The following PRKN variants were observed in gnomAD, a reference collection of about 807,000 sequenced individuals.
PRKN encodes E3 ubiquitin-protein ligase parkin.
Under a neutral mutation model 59.5 loss-of-function variants are expected in PRKN, and 56 were observed. The observed-to-expected ratio is 0.94, with a 90% CI of 0.76 to 1.18. The LOEUF (loss-of-function observed/expected upper bound fraction) is 1.18, where lower values mean the gene tolerates loss of function less well. PRKN is among the 50% of genes most tolerant of loss of function. PRKN has a pLI of 0.00. For synonymous variants in PRKN, 250 were observed against 222.1 expected (o/e 1.13, Z -1.12); for missense variants, 657 against 596.4 (o/e 1.10, Z -1.06).
In PRKN at chr6:161,440,541, G is replaced by A. The variant is rs191063535; in HGVS notation, c.1084-53664C>T. Among the ~76,000 whole-genome samples, 4 of 152,302 alleles carry A rather than the reference G, an allele frequency of 2.6e-5. No individual in the cohort carries two copies. In the East Asian group the frequency reaches 7.7e-4, roughly 29 times the overall value. Reference sequence around the variant, plus strand: ...TGAATTGTTCTGCAAAGACATGGTCGGCAGACACAGAGGGTTCCCTCACCA... The same window carrying A: ...TGAATTGTTCTGCAAAGACATGGTCAGCAGACACAGAGGGTTCCCTCACCA... On this transcript the variant is annotated intron_variant, in intron 9 of 11. Coordinates refer to ENST00000366898, the MANE Select transcript of PRKN (RefSeq NM_004562.3). The surrounding 1 kb of genome is among the most constrained non-coding windows in gnomAD (Gnocchi z 4.1).
chr6:162,112,946 C>T (rs78908691), intron 4 of PRKN, among the ~76,000 whole-genome samples: 19,862 of 152,048 alleles, frequency 0.13, 1,480 homozygotes, highest in Middle Eastern at 0.21. Context: ...CACACCATGA[C>T]GTCCTGCATA....
intron 2 of PRKN, among the ~76,000 whole-genome samples, chr6:162,388,118 C>A (rs1261387461): frequency 6.6e-6 from 1 of 152,168 alleles, no homozygotes; most frequent in Non-Finnish European, 1.5e-5. Context: ...TCATGCAATT[C>A]TTGAGTTAAT....
chr6:162,097,500 C>T (rs754020028), intron 4 of PRKN, among the ~76,000 whole-genome samples: 23 of 152,164 alleles, frequency 1.5e-4, no homozygotes, highest in Non-Finnish European at 3.2e-4. Flanking sequence ...GTCAATGCAA[C>T]TTGGAGAATT....
At chr6:161,809,948 T>A (rs1791493734) in intron 6 of PRKN, among the ~76,000 whole-genome samples, 1 of 152,252 alleles carries the variant, frequency 6.6e-6, no homozygotes, top group Non-Finnish European at 1.5e-5. Context: ...AATAAACTTT[T>A]AAAAATGTGT....
intron 7 of PRKN, among the ~76,000 whole-genome samples, chr6:161,635,570 A>T (rs1783483012): frequency 6.6e-6 from 1 of 152,194 alleles, no homozygotes; most frequent in African/African-American, 2.4e-5. Flanking sequence ...TTGCCATACA[A>T]CTCTATCTGA....
intron 2 of PRKN, among the ~76,000 whole-genome samples, chr6:162,347,641 T>A (rs1274041149): frequency 1.3e-5 from 2 of 152,088 alleles, no homozygotes; most frequent in Non-Finnish European, 2.9e-5. Context: ...ATATATATAT[T>A]TTTATATAGC....
rs1245753252 is a variant in PRKN, at chr6:161,874,827, A to AAAATATATATAATATATC, written c.735-88920_735-88919insGATATATTATATATATTT. On this transcript the variant is annotated intron_variant, in intron 6 of 11. Coordinates refer to ENST00000366898, the MANE Select transcript of PRKN (RefSeq NM_004562.3). ...AAGATATATAAAATGTATAATATAT[A>AAAATATATATAATATATC]AAATGTATAATATATAAAATATATA... is the stretch of plus-strand genomic sequence containing the variant. Among the ~76,000 whole-genome samples, 3 of 109,970 alleles carry AAAATATATATAATATATC rather than the reference A, an allele frequency of 2.7e-5. 1 individual carries two copies. Among genetic ancestry groups the AAAATATATATAATATATC allele is most frequent in the African/African-American group, 1.1e-4 (3 of 26,260 alleles). 72.1% of individuals were successfully genotyped at this position (109,970 alleles called of 152,430 possible).
chr6:161,752,150 T>A (rs1005171410), intron 7 of PRKN, among the ~76,000 whole-genome samples: 12 of 151,450 alleles, frequency 7.9e-5, no homozygotes, highest in African/African-American at 2.9e-4. Flanking sequence ...GGTGGGTGGA[T>A]CACGAGGTCA....
intron 3 of PRKN, among the ~76,000 whole-genome samples, chr6:162,207,262 C>T (rs1281969371): frequency 6.6e-6 from 1 of 152,074 alleles, no homozygotes; most frequent in African/African-American, 2.4e-5. Flanking sequence ...GTCCCAGCTG[C>T]TCGGGAGGCT....
Position 161,764,586 on chromosome 6 carries a change from T to C in PRKN, c.871+21186A>G, listed in dbSNP as rs888670544. On this transcript the variant is annotated intron_variant, in intron 7 of 11. Coordinates refer to ENST00000366898, the MANE Select transcript of PRKN (RefSeq NM_004562.3). ...GTTAAGGGAAAATTATTTTAAGCTA[T>C]TGATACAAGTTTTAAGAATTCAGTA... Among the ~76,000 whole-genome samples, 11 of 152,346 alleles carry C rather than the reference T, an allele frequency of 7.2e-5. 1 individual carries two copies. Among genetic ancestry groups the C allele is most frequent in the Admixed American group, 6.5e-4 (10 of 15,302 alleles).
intron 3 of PRKN, among the ~76,000 whole-genome samples, chr6:162,217,643 C>A (rs1460181143): frequency 1.3e-5 from 2 of 152,134 alleles, no homozygotes; most frequent in Admixed American, 6.6e-5. Context: ...CTGCCCACCT[C>A]GCCCTCCCAA....
Position 162,174,718 on chromosome 6 carries a change from T to G in PRKN, c.534+26413A>C, listed in dbSNP as rs184674006. 1.3e-4 allele frequency among the ~76,000 whole-genome samples: 20 copies of G among 152,334 alleles called. No individual in the cohort carries two copies. The East Asian group carries it at 3.5e-3, about 26-fold the overall frequency. On this transcript the variant is annotated intron_variant, in intron 4 of 11. Transcript: ENST00000366898. ...CACTAGTCAGGTATTCATTCCCTTG[T>G]GCTTTGTTCTTGTTCATTTAACACA...
intron 1 of PRKN, among the ~76,000 whole-genome samples, chr6:162,488,711 G>A (rs1167156594): frequency 1.3e-5 from 2 of 152,064 alleles, no homozygotes; most frequent in East Asian, 3.9e-4. Context: ...AGAACAGCAC[G>A]AGCAGGCCCA....
chr6:161,960,866 C>T (rs1780352284), intron 6 of PRKN, among the ~76,000 whole-genome samples: 1 of 152,162 alleles, frequency 6.6e-6, no homozygotes, highest in Admixed American at 6.5e-5. Flanking sequence ...GGAGAATTCA[C>T]TTTGTCACAG....
chr6:161,897,031 T>G (rs1396996006), intron 6 of PRKN, among the ~76,000 whole-genome samples: 1 of 152,218 alleles, frequency 6.6e-6, no homozygotes, highest in African/African-American at 2.4e-5. Context: ...ACCGATGATA[T>G]AGTTTTCTGA....
chr6:161,797,995 A>T (rs1004466952), intron 6 of PRKN, among the ~76,000 whole-genome samples: 2 of 152,092 alleles, frequency 1.3e-5, no homozygotes, highest in East Asian at 1.9e-4. Flanking sequence ...AGGTGAGGAG[A>T]TCAAGACCAT....
At chr6:161,721,612 A>G (rs12529600) in intron 7 of PRKN, among the ~76,000 whole-genome samples, 20,287 of 152,292 alleles carry the variant, frequency 0.13, 1,967 homozygotes, top group African/African-American at 0.27. Flanking sequence ...ACCAGAAAAC[A>G]TAAATGGATT....
intron 3 of PRKN, among the ~76,000 whole-genome samples, chr6:162,204,189 T>C (rs555491106): frequency 6.6e-6 from 1 of 152,306 alleles, no homozygotes; most frequent in African/African-American, 2.4e-5. Context: ...CATAGACTAA[T>C]CAGGTATATT....
At chr6:162,034,503 T>G (rs1450629572) in intron 5 of PRKN, among the ~76,000 whole-genome samples, 1 of 152,170 alleles carries the variant, frequency 6.6e-6, no homozygotes, top group African/African-American at 2.4e-5. Flanking sequence ...ATTCATTTCC[T>G]TCCTATCTGT....
Sources: gnomAD v4.1 joint callset for allele counts (sites outside exome capture counted in the v4.1 genomes callset) on GRCh38, gnomAD v4.1.1 for gene constraint, Gnocchi (gnomAD v3.1) non-coding constraint, MANE v1.5 for transcripts, NCBI Gene and HGNC (gene_info 2026-07-23, HGNC 2026-07-21) for gene names.